SLC4A11: variants seen among roughly 807,000 people sequenced by gnomAD.
SLC4A11 encodes bicarbonate transporter related protein 1.
A neutral mutation model predicts 95.0 loss-of-function variants in SLC4A11; 74 were observed. The observed-to-expected ratio is 0.78, with a 90% CI of 0.65 to 0.95. SLC4A11 has a LOEUF of 0.95. Among genes scored for constraint, SLC4A11 ranks in the 40% least tolerant of loss-of-function variants. The pLI, the probability that SLC4A11 is intolerant of heterozygous loss-of-function variation, is 0.00. For missense variants in SLC4A11, 1,081 were observed against 1,192.4 expected, an observed-to-expected ratio of 0.91 and a Z score of 1.38; for synonymous variants, 548 against 519.0, an observed-to-expected ratio of 1.06 and a Z score of -0.76.
In SLC4A11 at chr20:3,238,323, C is replaced by T; in HGVS notation, c.44-735G>A. 6 of 985,430 alleles carry T rather than the reference C, an allele frequency of 6.1e-6. No homozygotes were observed. In the South Asian group the frequency reaches 2.3e-4, roughly 39 times the overall value. 61.0% of individuals were successfully genotyped at this position (985,430 alleles called of 1,614,324 possible). A position where few individuals can be genotyped will look rare whatever the true frequency, so the allele number is the denominator to read the frequency against. ...GGAGGAAGGAAGCGACAGGAGGGGCCGCGTGCACGAGAGGAAAGCGCCTCC... is the reference window on the plus strand; with the variant it reads ...GGAGGAAGGAAGCGACAGGAGGGGCTGCGTGCACGAGAGGAAAGCGCCTCC... On this transcript the variant is annotated intron_variant, in intron 1 of 19. Transcript: ENST00000642402.
In SLC4A11 at chr20:3,230,227, G is replaced by A. The variant is rs756730972; in HGVS notation, c.1449C>T (p.Ser483=). ...STEEIIALFI[S]ITFVLDAVKG... is the part of the protein sequence containing the mutation. ...TGACGGCATCCAGCACAAACGTGAT[G>A]GAAATGAAGAGGGCGATGATCTCCT... The change falls in exon 13 of 20, where the codon TCC becomes TCT. Residue 483 remains serine (S), a synonymous_variant. Transcript: ENST00000642402. 2 of 1,613,494 alleles carry A rather than the reference G, an allele frequency of 1.2e-6. No homozygotes were observed. The highest frequency in any genetic ancestry group is 2.2e-5 in the South Asian group (2 of 91,094).
rs2067748733 is a variant in SLC4A11 at position 3,230,983 on chromosome 20, G to A, written c.1118C>T (p.Pro373Leu). ...ATTGAGAGACCCGAAAGCGATGGTGGGCAGGAGGCAGGCGAAGTAGAGGAA... is the reference window on the plus strand; with the variant it reads ...ATTGAGAGACCCGAAAGCGATGGTGAGCAGGAGGCAGGCGAAGTAGAGGAA... ...TLFLYFACLL[P>L]TIAFGSLNDE... Residue 373 changes from proline (P) to leucine (L), a missense_variant, in exon 10 of 20, where the codon CCC becomes CTC. Coordinates refer to ENST00000642402, the MANE Select transcript of SLC4A11 (RefSeq NM_001174089.2). The A allele has an allele frequency of 6.2e-7, 1 of 1,613,844 alleles. No individual in the cohort carries two copies. The highest frequency in any genetic ancestry group is 1.1e-5 in the South Asian group (1 of 91,086).
At chr20:3,238,252 C>A in intron 1 of SLC4A11, 1 of 1,335,792 alleles carries the variant, frequency 7.5e-7, no homozygotes, top group South Asian at 2.3e-5. Context: ...CTGCGCCCTC[C>A]CTGGGCCGGT....
In SLC4A11 at chr20:3,234,700, C is replaced by T. The variant is rs1568542751; in HGVS notation, c.241+42G>A. The T allele has an allele frequency of 2.5e-6, 4 of 1,613,884 alleles. No homozygotes were observed. Among genetic ancestry groups the T allele is most frequent in the Middle Eastern group, 3.3e-4 (2 of 6,062 alleles). ...GTAAGGCGAGTCACACCTGCCCAGT[C>T]CCGTGCCTTCCCCCAGTCTGCCCCT... On this transcript the variant is annotated intron_variant, in intron 3 of 19. Transcript: ENST00000642402. This position sits in a 1 kb window ranked among gnomAD's most constrained non-coding sequence, Gnocchi z 5.8.
chr20:3,239,291 G>T (rs926094050), upstream of SLC4A11: 2 of 1,176,546 alleles, frequency 1.7e-6, no homozygotes, highest in African/African-American at 3.2e-5. Flanking sequence ...CCGCGCCCGG[G>T]CGCGGTAGGC....
chr20:3,236,282 C>T (rs1296477567), intron 2 of SLC4A11, among the ~76,000 whole-genome samples: 1 of 152,204 alleles, frequency 6.6e-6, no homozygotes, highest in Non-Finnish European at 1.5e-5. Context: ...CAGGCCTGCA[C>T]TACCTCCAGA....
chr20:3,237,519 C>T (rs1202548086), intron 2 of SLC4A11, 25 bp downstream of exon 2: 2 of 1,612,172 alleles, frequency 1.2e-6, no homozygotes, highest in South Asian at 2.2e-5. Flanking sequence ...TCTCTGCACA[C>T]ACACACTCCC....
Position 3,234,480 on chromosome 20 carries a change from AG to A in SLC4A11, c.291+87del. The A allele has an allele frequency of 6.3e-7, 1 of 1,576,232 alleles. No homozygotes were observed. The highest frequency in any genetic ancestry group is 8.7e-7 in the Non-Finnish European group (1 of 1,148,252). ...GAGCTGCTCCTGGAGGCATGGGAAG[AG>A]GGGAGCAGCGGGAGGATTCTCAGGG... is the stretch of plus-strand genomic sequence containing the variant. On this transcript the variant is annotated intron_variant, in intron 4 of 19. Coordinates refer to ENST00000642402, the MANE Select transcript of SLC4A11 (RefSeq NM_001174089.2). This position sits in a 1 kb window ranked among gnomAD's most constrained non-coding sequence, Gnocchi z 5.8.
chr20:3,228,739 T>C, intron 17 of SLC4A11, 32 bp from the exon 18 acceptor site: 2 of 1,612,646 alleles, frequency 1.2e-6, no homozygotes, highest in Non-Finnish European at 8.5e-7. Context: ...GTGTCACCTC[T>C]GCGCCCCTGT....
chr20:3,229,535 T>C lies in SLC4A11; in HGVS notation c.1731A>G (p.Gln577=). 1 of 1,612,706 alleles carries C rather than the reference T, an allele frequency of 6.2e-7. No individual in the cohort carries two copies. Among genetic ancestry groups the C allele is most frequent in the Non-Finnish European group, 8.5e-7 (1 of 1,179,892 alleles). Residue 577 remains glutamine, a synonymous_variant, in exon 14 of 20, where the codon CAA becomes CAG. Transcript: ENST00000642402. The part of the protein sequence containing the change: ...GTLWLGYTLY[Q]FKKSPYLHPC... Reference sequence around the variant, plus strand: ...ATGCAGCCCCTCACCTCTTCTTGAATTGGTAGAGGGTGTAGCCCAGCCAGA... The same window carrying C: ...ATGCAGCCCCTCACCTCTTCTTGAACTGGTAGAGGGTGTAGCCCAGCCAGA...
chr20:3,234,832 C>T lies in SLC4A11; in HGVS notation c.151G>A (p.Ala51Thr). The change falls in exon 3 of 20, where the codon GCC becomes ACC. Residue 51 changes from alanine to threonine, a missense_variant. Ala to Thr is a moderately conservative substitution (Grantham distance 58, BLOSUM62 0). Transcript: ENST00000642402. The surrounding 1 kb of genome is among the most constrained non-coding windows in gnomAD (Gnocchi z 5.8). ...EAREEILGDEAFDTANSSIVS... is the reference protein window; with the variant it reads ...EAREEILGDETFDTANSSIVS... ...ATGGAGGAGTTGGCAGTGTCGAAGG[C>T]CTCATCCCCCAGGATCTCCTCTCGG... 7 of 1,614,092 alleles carry T rather than the reference C, an allele frequency of 4.3e-6. No homozygotes were observed. Among genetic ancestry groups the T allele is most frequent in the Non-Finnish European group, 5.9e-6 (7 of 1,180,026 alleles).
Position 3,230,562 on chromosome 20 carries a change from C to T in SLC4A11, c.1368G>A (p.Ala456=), listed in dbSNP as rs368001060. ...GGCTGAGGTTGAAAAAGGCATAAAG[C>T]GCAAGGAAGAAACTATTCCACAGGC... ...WTGLWNSFFL[A]LYAFFNLSLV... The change falls in exon 12 of 20, where the codon GCG becomes GCA. Residue 456 remains alanine, a synonymous_variant. Transcript: ENST00000642402. 2.6e-4 allele frequency: 413 copies of T among 1,613,916 alleles called. No homozygotes were observed. The highest frequency in any genetic ancestry group is 3.2e-4 in the Non-Finnish European group (372 of 1,180,026).
chr20:3,238,371 G>T lies in SLC4A11; in HGVS notation c.43+724C>A, dbSNP rs1470796166. 3 of 985,152 alleles carry T rather than the reference G, an allele frequency of 3.0e-6. No individual in the cohort carries two copies. The East Asian group carries it at 3.4e-4, about 112-fold the overall frequency. The allele number at this position is 985,152 out of a possible 1,614,324, so 61.0% of individuals were successfully genotyped here. A position where few individuals can be genotyped will look rare whatever the true frequency, so the allele number is the denominator to read the frequency against. On this transcript the variant is annotated intron_variant, in intron 1 of 19. Coordinates refer to ENST00000642402, the MANE Select transcript of SLC4A11 (RefSeq NM_001174089.2). ...TCCAGACTCGGAGACCCCGGGGGTC[G>T]GGGCGCAGGATGTGAATGCAGGCGC...
In SLC4A11 at chr20:3,227,503, A is replaced by C. The variant is rs886513092; in HGVS notation, c.*284T>G. The C allele has an allele frequency of 2.0e-6, 1 of 490,554 alleles. No homozygotes were observed. The highest frequency in any genetic ancestry group is 3.7e-6 in the Non-Finnish European group (1 of 268,154). The allele number at this position is 490,554 out of a possible 1,614,324, so 30.4% of individuals were successfully genotyped here. ...CAAGGAAATGGTTTCTCTTTCAGGCATCGACTCTTTTATCAAAAGAAAATC... is the reference window on the plus strand; with the variant it reads ...CAAGGAAATGGTTTCTCTTTCAGGCCTCGACTCTTTTATCAAAAGAAAATC... On this transcript the variant is annotated 3_prime_UTR_variant, in exon 20 of 20. Coordinates refer to ENST00000642402, the MANE Select transcript of SLC4A11 (RefSeq NM_001174089.2).
chr20:3,234,556 C>T lies in SLC4A11; in HGVS notation c.291+12G>A, dbSNP rs1414639376. 6.2e-7 allele frequency: 1 copy of T among 1,613,796 alleles called. No individual in the cohort carries two copies. Among genetic ancestry groups the T allele is most frequent in the Admixed American group, 1.7e-5 (1 of 60,024 alleles). On this transcript the variant is annotated intron_variant, in intron 4 of 19. Transcript: ENST00000642402. This position sits in a 1 kb window ranked among gnomAD's most constrained non-coding sequence, Gnocchi z 5.8. Reference sequence around the variant, plus strand: ...AGAGGCCCCAGGACCACCTGCAGGACAGGCCATTCACCTTTCGGGAGGTGT... The same window carrying T: ...AGAGGCCCCAGGACCACCTGCAGGATAGGCCATTCACCTTTCGGGAGGTGT...
chr20:3,227,927 C>T (rs1433214034), intron 19 of SLC4A11, 71 bp from the exon 20 acceptor site: 6 of 1,420,770 alleles, frequency 4.2e-6, no homozygotes, highest in East Asian at 2.4e-5. Flanking sequence ...TCCCAGCCCA[C>T]CCCAGCCCAC....
chr20:3,239,337 C>G, upstream of SLC4A11: 1 of 1,147,966 alleles, frequency 8.7e-7, no homozygotes, highest in Non-Finnish European at 1.1e-6. Context: ...CCGCCCGCCC[C>G]GCGCCCTCAC....
chr20:3,235,854 G>A (rs2067965325), intron 2 of SLC4A11, among the ~76,000 whole-genome samples: 1 of 152,010 alleles, frequency 6.6e-6, no homozygotes, highest in African/African-American at 2.4e-5. Context: ...GCAAGGTCCT[G>A]TCCTCCAAGC....
In SLC4A11 at chr20:3,229,650, C is replaced by G; in HGVS notation, c.1616G>C (p.Ser539Thr). The change falls in exon 14 of 20, where the codon AGC becomes ACC. Residue 539 changes from serine (S) to threonine (T), a missense_variant. Physicochemically the swap from Ser to Thr is moderately conservative, Grantham distance 58 (BLOSUM62 1). Around this residue, in one of 3 missense-constraint regions of SLC4A11, gnomAD observed 767 missense variants for 858.0 expected, o/e 0.89. Coordinates refer to ENST00000642402, the MANE Select transcript of SLC4A11 (RefSeq NM_001174089.2). ...NASLHTALNA[S>T]FLASPTELPS... Reference sequence around the variant, plus strand: ...CAGCTCCGTGGGGCTGGCGAGGAAGCTGGCGTTGAGGGCAGTGTGGAGGCT... The same window carrying G: ...CAGCTCCGTGGGGCTGGCGAGGAAGGTGGCGTTGAGGGCAGTGTGGAGGCT... 1 of 1,613,720 alleles carries G rather than the reference C, an allele frequency of 6.2e-7. No individual in the cohort carries two copies. The highest frequency in any genetic ancestry group is 2.2e-5 in the East Asian group (1 of 44,870).
Sources: allele counts gnomAD v4.1 joint callset (sites outside exome capture counted in the v4.1 genomes callset), GRCh38; gene constraint gnomAD v4.1.1; regional missense constraint gnomAD v4.1.1; non-coding constraint Gnocchi (gnomAD v3.1); transcripts MANE v1.5; gene names NCBI Gene and HGNC (gene_info 2026-07-23, HGNC 2026-07-21).